Variants in ADAMTS7 observed in about 807,000 individuals in gnomAD.
The protein encoded by ADAMTS7 is A disintegrin and metalloproteinase with thrombospondin motifs 7.
Under a neutral mutation model 172.6 loss-of-function variants are expected in ADAMTS7, and 89 were observed. The observed-to-expected ratio is 0.52, with a 90% confidence interval of 0.43 to 0.61. ADAMTS7 has a LOEUF of 0.61. Among genes scored for constraint, ADAMTS7 ranks in the 20% least tolerant of loss-of-function variants. The probability of loss-of-function intolerance (pLI) is 0.00; values close to 1 mark genes in which losing one functional copy is unlikely to be tolerated. For synonymous variants in ADAMTS7, 885 were observed against 978.4 expected (o/e 0.90, Z 1.78); for missense variants, 1,973 against 2,355.6 (o/e 0.84, Z 3.36).
rs769742506 is a variant in ADAMTS7, at chr15:78,800,302, GGCCGCCGC to G, written c.338_345del (p.Arg113ProfsTer23). 1.3e-6 allele frequency: 2 copies of G among 1,590,366 alleles called. No homozygotes were observed. On this transcript the variant is annotated frameshift_variant, in exon 2 of 24. Transcript: ENST00000388820. LOFTEE classifies it high-confidence loss of function. ...TGGGCCCGGATGTGCGCGCGGCCCA[GGCCGCCGC>G]GCCGCCGCGTCTCGCTCACAAAGCC... is the stretch of plus-strand genomic sequence containing the variant.
In ADAMTS7 at chr15:78,800,466, T is replaced by A; in HGVS notation, c.182A>T (p.Glu61Val). The A allele has an allele frequency of 6.2e-7, 1 of 1,610,944 alleles. No homozygotes were observed. Among genetic ancestry groups the A allele is most frequent in the Non-Finnish European group, 8.5e-7 (1 of 1,179,122 alleles). The change falls in exon 2 of 24, where the codon GAG (glutamate) becomes GTG (valine). Residue 61 changes from glutamate to valine, a missense_variant. Glu to Val is a moderately radical substitution (Grantham distance 121, BLOSUM62 -2). Transcript: ENST00000388820. ...VDAGGSFLSY[E>V]LWPRALRKRD... is the part of the protein sequence containing the mutation. The stretch of plus-strand genomic sequence containing the variant: ...CTTGCGCAGTGCGCGGGGCCACAGC[T>A]CGTAGGACAGGAAGGAGCCCCCCGC...
At chr15:78,779,302 C>T (rs1183992489) in intron 8 of ADAMTS7, among the ~76,000 whole-genome samples, 1 of 152,186 alleles carries the variant, frequency 6.6e-6, no homozygotes, top group Non-Finnish European at 1.5e-5. Flanking sequence ...CTCATTTGCT[C>T]CTCACAACAT....
chr15:78,766,794 G>T lies in ADAMTS7; in HGVS notation c.3117C>A (p.Gly1039=), dbSNP rs772098280. Residue 1039 remains glycine (G), a synonymous_variant, in exon 19 of 24, where the codon GGC becomes GGA. Coordinates refer to ENST00000388820, the MANE Select transcript of ADAMTS7 (RefSeq NM_014272.5). ...CCTCCTCAATGGCGTTGCCCATGGT[G>T]CCTGGCTTGGGTGATGAGGCGGGTG... The part of the protein sequence containing the change: ...RPSPASSPKP[G]TMGNAIEEEA... The T allele has an allele frequency of 1.1e-5, 17 of 1,610,468 alleles. No homozygotes were observed. The highest frequency in any genetic ancestry group is 1.2e-5 in the Non-Finnish European group (14 of 1,179,812).
chr15:78,776,532 C>T, intron 10 of ADAMTS7, 199 bp from the exon 11 acceptor site: 1 of 843,044 alleles, frequency 1.2e-6, no homozygotes, highest in Non-Finnish European at 1.8e-6. Context: ...TAAAACAGCC[C>T]ACATGCTGAC....
rs533933333 is a variant in ADAMTS7 at position 78,762,665 on chromosome 15, A to G, written c.4741-100T>C. Reference sequence around the variant, plus strand: ...AAGCCGTCCCTGCGCCCTGTGCCTGACTGGCCTGGCCTTGCTCCCAGCCGC... The same window carrying G: ...AAGCCGTCCCTGCGCCCTGTGCCTGGCTGGCCTGGCCTTGCTCCCAGCCGC... On this transcript the variant is annotated intron_variant, in intron 22 of 23. Coordinates refer to ENST00000388820, the MANE Select transcript of ADAMTS7 (RefSeq NM_014272.5). 4.3e-5 allele frequency: 44 copies of G among 1,020,608 alleles called. No individual in the cohort carries two copies. The African/African-American group carries it at 6.9e-4, about 16-fold the overall frequency. 63.2% of individuals were successfully genotyped at this position (1,020,608 alleles called of 1,614,324 possible).
intron 9 of ADAMTS7, 166 bp from the exon 10 acceptor site, chr15:78,777,007 C>T (rs1347147632): frequency 1.1e-5 from 7 of 639,974 alleles, no homozygotes; most frequent in East Asian, 2.8e-5. Flanking sequence ...CCTTCCTCCC[C>T]GGACCATGTG....
At chr15:78,791,306 G>T (rs185616468) in intron 4 of ADAMTS7, 83 bp from the exon 5 acceptor site, 15 of 831,294 alleles carry the variant, frequency 1.8e-5, no homozygotes, top group Admixed American at 6.4e-5. Context: ...ACCCACCCAC[G>T]CAGGGCAACG....
Position 78,811,342 on chromosome 15 carries a change from C to T in ADAMTS7, c.-122G>A, listed in dbSNP as rs1037828157. Reference sequence around the variant, plus strand: ...CGGCCGGCGTGCAGCTCCCGGCGACCCGGCCCCGACTCCGTTCGGCTGCGC... The same window carrying T: ...CGGCCGGCGTGCAGCTCCCGGCGACTCGGCCCCGACTCCGTTCGGCTGCGC... On this transcript the variant is annotated 5_prime_UTR_variant, in exon 1 of 24. Coordinates refer to ENST00000388820, the MANE Select transcript of ADAMTS7 (RefSeq NM_014272.5). 2 of 1,150,660 alleles carry T rather than the reference C, an allele frequency of 1.7e-6. No individual in the cohort carries two copies. Among genetic ancestry groups the T allele is most frequent in the Non-Finnish European group, 2.2e-6 (2 of 919,172 alleles). 71.3% of individuals were successfully genotyped at this position (1,150,660 alleles called of 1,614,324 possible).
chr15:78,801,847 T>A (rs921349429), intron 1 of ADAMTS7, among the ~76,000 whole-genome samples: 26 of 147,054 alleles, frequency 1.8e-4, no homozygotes, highest in Non-Finnish European at 3.5e-4. Flanking sequence ...TTGGCTAATT[T>A]TTTTTTATTT....
rs559504237 is a variant in ADAMTS7 at position 78,782,141 on chromosome 15, C to G, written c.1323-4553G>C. Among the ~76,000 whole-genome samples, 300 of 152,100 alleles carry G rather than the reference C, an allele frequency of 2.0e-3. 1 individual carries two copies. The highest frequency in any genetic ancestry group is 3.3e-3 in the Non-Finnish European group (223 of 67,948). On this transcript the variant is annotated intron_variant, in intron 8 of 23. Transcript: ENST00000388820. The stretch of plus-strand genomic sequence containing the variant: ...CCACCTCCCAGGTTCAAGCAATTCT[C>G]CTGCCTAGCCTCCCGAGTAGCTGGG...
At position 78,766,910 on chromosome 15, in the gene ADAMTS7, G is replaced by T; in HGVS notation, c.3001C>A (p.Leu1001Met). The change falls in exon 19 of 24, where the codon CTG becomes ATG. Residue 1001 changes from leucine to methionine, a missense_variant. Coordinates refer to ENST00000388820, the MANE Select transcript of ADAMTS7 (RefSeq NM_014272.5). ...LPLCRWPLGT[L>M]GPEGSGSGSS... ...CCGCTGCCTGAGCCTTCAGGGCCCA[G>T]TGTGCCCAGGGGCCACCGACAGAGT... The T allele has an allele frequency of 1.2e-6, 2 of 1,610,222 alleles. No homozygotes were observed. The highest frequency in any genetic ancestry group is 1.1e-5 in the South Asian group (1 of 90,908).
chr15:78,805,397 A>C (rs1188451416), intron 1 of ADAMTS7, among the ~76,000 whole-genome samples: 1 of 152,228 alleles, frequency 6.6e-6, no homozygotes, highest in African/African-American at 2.4e-5. Context: ...GAAAAGTCTT[A>C]TCATCCATCC....
chr15:78,773,793 G>C (rs1307775687), intron 13 of ADAMTS7, among the ~76,000 whole-genome samples: 1 of 152,208 alleles, frequency 6.6e-6, no homozygotes, highest in East Asian at 1.9e-4. Context: ...TTCTATCAGG[G>C]AGCAAACCAC....
At chr15:78,778,039 T>C (rs1423356110) in intron 8 of ADAMTS7, among the ~76,000 whole-genome samples, 2 of 152,160 alleles carry the variant, frequency 1.3e-5, no homozygotes, top group Non-Finnish European at 2.9e-5. Flanking sequence ...CCTTGGGTCA[T>C]CTGTGGAAAG....
At chr15:78,774,587 T>C in intron 12 of ADAMTS7, 37 bp downstream of exon 12, 1 of 1,611,090 alleles carries the variant, frequency 6.2e-7, no homozygotes. Context: ...CCCCCAGCCC[T>C]CTAAGCCTCA....
At position 78,768,207 on chromosome 15, in the gene ADAMTS7, G is replaced by C; in HGVS notation, c.2571C>G (p.Asp857Glu). 6.2e-7 allele frequency: 1 copy of C among 1,610,340 alleles called. No individual in the cohort carries two copies. Among genetic ancestry groups the C allele is most frequent in the Non-Finnish European group, 8.5e-7 (1 of 1,179,532 alleles). Residue 857 changes from aspartate (D) to glutamate (E), a missense_variant, in exon 17 of 24, where the codon GAC becomes GAG. This residue lies in a region of ADAMTS7 where 771 missense variants were observed against 952.6 expected (regional missense o/e 0.81). Coordinates refer to ENST00000388820, the MANE Select transcript of ADAMTS7 (RefSeq NM_014272.5). The part of the protein sequence containing the change: ...YCLERQAGPV[D>E]EEHCDPLGRP... ...GGCCCAGGGGGTCACAGTGCTCCTC[G>C]TCCACGGGCCCTGCCTGCCGCTCCA...
chr15:78,793,666 A>G (rs1006686880), intron 4 of ADAMTS7, among the ~76,000 whole-genome samples: 1 of 152,200 alleles, frequency 6.6e-6, no homozygotes, highest in African/African-American at 2.4e-5. Context: ...AGAGTCCCCA[A>G]GTGTAGGATC....
intron 1 of ADAMTS7, among the ~76,000 whole-genome samples, chr15:78,809,725 G>C (rs1034929888): frequency 6.6e-6 from 1 of 152,188 alleles, no homozygotes; most frequent in Non-Finnish European, 1.5e-5. Context: ...CCCATCGCCC[G>C]GTTCATCCTC....
chr15:78,806,121 CACACACAAAAAAAAAAAA>C (rs1453469439), intron 1 of ADAMTS7, among the ~76,000 whole-genome samples: 158 of 22,590 alleles, frequency 7.0e-3, no homozygotes, highest in East Asian at 0.043. Flanking sequence ...CACACACACA[CACACACAAAAAAAAAAAA>C]AAAAAAAAAA....
Sources: allele counts gnomAD v4.1 joint callset (sites outside exome capture counted in the v4.1 genomes callset), GRCh38; gene constraint gnomAD v4.1.1; regional missense constraint gnomAD v4.1.1; transcripts MANE v1.5; gene names NCBI Gene and HGNC (gene_info 2026-07-23, HGNC 2026-07-21).